KCNJ10: variants seen among roughly 807,000 people sequenced by gnomAD.
KCNJ10 encodes potassium inwardly rectifying channel subfamily J member 10, also known as ATP-sensitive inward rectifier potassium channel 10.
A neutral mutation model predicts 22.2 loss-of-function variants in KCNJ10; 9 were observed. That is an observed-to-expected ratio of 0.40 (90% confidence interval 0.24 to 0.71). KCNJ10 has a LOEUF of 0.71. Among genes scored for constraint, KCNJ10 ranks in the 30% least tolerant of loss-of-function variants. The pLI is 0.35. For synonymous variants in KCNJ10, 184 were observed against 187.3 expected (o/e 0.98, Z 0.15); for missense variants, 337 against 482.7 (o/e 0.70, Z 2.83).
chr1:160,054,485 A>G (rs1404552465), intron 1 of KCNJ10, among the ~76,000 whole-genome samples: 1 of 152,254 alleles, frequency 6.6e-6, no homozygotes, highest in Non-Finnish European at 1.5e-5. Flanking sequence ...CAGTGCTAAG[A>G]GTCAGCTGGA....
At chr1:160,069,711 T>G (rs1170544845) in intron 1 of KCNJ10, among the ~76,000 whole-genome samples, 1 of 152,140 alleles carries the variant, frequency 6.6e-6, no homozygotes, top group African/African-American at 2.4e-5. Flanking sequence ...TTATGTGTGG[T>G]TGTCACTGTA....
intron 1 of KCNJ10, among the ~76,000 whole-genome samples, chr1:160,065,348 G>A (rs1208372452): frequency 6.6e-6 from 1 of 152,162 alleles, no homozygotes; most frequent in Non-Finnish European, 1.5e-5. Flanking sequence ...GCTACTCTGT[G>A]TCTTAGGAGG....
chr1:160,060,677 C>T (rs1649169603), intron 1 of KCNJ10, among the ~76,000 whole-genome samples: 1 of 152,190 alleles, frequency 6.6e-6, no homozygotes, highest in African/African-American at 2.4e-5. Context: ...ACTGTGCAGT[C>T]AGCCCTCAAG....
At chr1:160,047,411 C>T (rs1648768016) in intron 1 of KCNJ10, among the ~76,000 whole-genome samples, 1 of 152,198 alleles carries the variant, frequency 6.6e-6, no homozygotes, top group Non-Finnish European at 1.5e-5. Flanking sequence ...TATCTGTTTT[C>T]TCTGTAGCCT....
chr1:160,066,569 A>C (rs1048605475), intron 1 of KCNJ10, among the ~76,000 whole-genome samples: 1 of 152,178 alleles, frequency 6.6e-6, no homozygotes. Context: ...GCATCCTCAC[A>C]GCAGTTATGA....
chr1:160,043,242 T>G (rs778808722), intron 1 of KCNJ10, among the ~76,000 whole-genome samples: 5 of 149,134 alleles, frequency 3.4e-5, no homozygotes, highest in Non-Finnish European at 7.4e-5. Flanking sequence ...AGCTATCCTG[T>G]TGAAATCCTT....
intron 1 of KCNJ10, among the ~76,000 whole-genome samples, chr1:160,064,072 C>T (rs541486309): frequency 6.6e-6 from 1 of 152,288 alleles, no homozygotes; most frequent in East Asian, 1.9e-4. Context: ...ATACTACCTC[C>T]CTGGTGAGAA....
intron 1 of KCNJ10, among the ~76,000 whole-genome samples, chr1:160,069,148 C>G (rs1313123176): frequency 6.6e-6 from 1 of 152,224 alleles, no homozygotes; most frequent in Non-Finnish European, 1.5e-5. Context: ...AATTAAACTT[C>G]AAGACACCAG....
At position 160,042,216 on chromosome 1, in the gene KCNJ10, G is replaced by T. The variant is rs1449269925; in HGVS notation, c.317C>A (p.Thr106Asn). The T allele has an allele frequency of 1.2e-6, 2 of 1,613,502 alleles. No homozygotes were observed. Among genetic ancestry groups the T allele is most frequent in the Non-Finnish European group, 1.7e-6 (2 of 1,179,634 alleles). Residue 106 changes from threonine (T) to asparagine (N), a missense_variant, in exon 2 of 2, where the codon ACC becomes AAC. Around this residue, in one of 3 missense-constraint regions of KCNJ10, gnomAD observed 165 missense variants for 281.5 expected, o/e 0.59. Coordinates refer to ENST00000644903, the MANE Select transcript of KCNJ10 (RefSeq NM_002241.5). Reference protein sequence around the residue: ...LLELDPPANHTPCVVQVHTLT... With the variant: ...LLELDPPANHNPCVVQVHTLT... ...TGTGTGCACCTGTACCACACAGGGG[G>T]TGTGGTTGGCCGGGGGGTCCAGCTC...
intron 1 of KCNJ10, among the ~76,000 whole-genome samples, chr1:160,045,534 TA>T (rs1648723847): frequency 6.6e-6 from 1 of 152,240 alleles, no homozygotes; most frequent in Non-Finnish European, 1.5e-5. Context: ...ATAAAAAAAT[TA>T]AACATATTAG....
chr1:160,057,996 C>T (rs1248308550), intron 1 of KCNJ10, among the ~76,000 whole-genome samples: 1 of 152,114 alleles, frequency 6.6e-6, no homozygotes, highest in Non-Finnish European at 1.5e-5. Context: ...CCTGTAGAGG[C>T]TGTTTCATCA....
At chr1:160,062,981 G>A (rs1405128348) in intron 1 of KCNJ10, among the ~76,000 whole-genome samples, 1 of 152,146 alleles carries the variant, frequency 6.6e-6, no homozygotes, top group Non-Finnish European at 1.5e-5. Flanking sequence ...CTCTTCCAGG[G>A]AATTCAACCT....
chr1:160,046,066 T>C (rs1023081361), intron 1 of KCNJ10, among the ~76,000 whole-genome samples: 4 of 152,184 alleles, frequency 2.6e-5, no homozygotes, highest in Non-Finnish European at 5.9e-5. Context: ...TGGGTGAGGA[T>C]GTCTGCCTTC....
chr1:160,056,729 C>A (rs934213282), intron 1 of KCNJ10, among the ~76,000 whole-genome samples: 3 of 152,122 alleles, frequency 2.0e-5, no homozygotes, highest in Non-Finnish European at 4.4e-5. Flanking sequence ...TAAATTTAAC[C>A]TAATTGGTTA....
intron 1 of KCNJ10, among the ~76,000 whole-genome samples, chr1:160,059,247 A>G (rs999067253): frequency 6.6e-6 from 1 of 152,176 alleles, no homozygotes; most frequent in African/African-American, 2.4e-5. Flanking sequence ...GGACTGTGTC[A>G]CAGAGTATTC....
At chr1:160,048,039 C>T (rs1648788736) in intron 1 of KCNJ10, among the ~76,000 whole-genome samples, 1 of 152,220 alleles carries the variant, frequency 6.6e-6, no homozygotes, top group African/African-American at 2.4e-5. Context: ...CTGCACCTGG[C>T]CCTCTTGTAC....
chr1:160,051,938 CT>C (rs1020037848), intron 1 of KCNJ10, among the ~76,000 whole-genome samples: 4 of 152,168 alleles, frequency 2.6e-5, no homozygotes, highest in Admixed American at 1.3e-4. Context: ...GCTGTCCCTT[CT>C]TTTCCTTATG....
chr1:160,045,134 C>T (rs1489617004), intron 1 of KCNJ10, among the ~76,000 whole-genome samples: 1 of 152,092 alleles, frequency 6.6e-6, no homozygotes, highest in African/African-American at 2.4e-5. Flanking sequence ...CTCATTATGA[C>T]CTGGGGATAA....
rs752204509 is a variant in KCNJ10, at chr1:160,042,537, A to T, written c.1-5T>A. 6.2e-7 allele frequency: 1 copy of T among 1,613,562 alleles called. No homozygotes were observed. Among genetic ancestry groups the T allele is most frequent in the Non-Finnish European group, 8.5e-7 (1 of 1,179,826 alleles). ...CACCTTGGCAACTGACGTCATCTGG[A>T]GGGAGCAAGACAGCATAATGGAGGT... On this transcript the variant is annotated splice_region_variant and splice_polypyrimidine_tract_variant and intron_variant, in intron 1 of 1. Coordinates refer to ENST00000644903, the MANE Select transcript of KCNJ10 (RefSeq NM_002241.5).
Sources: allele counts gnomAD v4.1 joint callset (sites outside exome capture counted in the v4.1 genomes callset), GRCh38; gene constraint gnomAD v4.1.1; regional missense constraint gnomAD v4.1.1; transcripts MANE v1.5; gene names NCBI Gene and HGNC (gene_info 2026-07-23, HGNC 2026-07-21).